SPATA13: variants seen among roughly 807,000 people sequenced by gnomAD.
SPATA13 encodes spermatogenesis-associated protein 13.
A neutral mutation model predicts 104.0 loss-of-function variants in SPATA13; 50 were observed. That is an observed-to-expected ratio of 0.48 (90% confidence interval 0.38 to 0.61). SPATA13 has a LOEUF of 0.61. SPATA13 is among the 20% of genes least tolerant of loss of function. The pLI is 0.00. For missense variants in SPATA13, 1,524 were observed against 1,690.6 expected, an observed-to-expected ratio of 0.90 and a Z score of 1.73; for synonymous variants, 606 against 667.5, an observed-to-expected ratio of 0.91 and a Z score of 1.42.
chr13:24,142,719 C>G (rs1881801588), intron 3 of SPATA13, among the ~76,000 whole-genome samples: 1 of 151,822 alleles, frequency 6.6e-6, no homozygotes, highest in Non-Finnish European at 1.5e-5. Flanking sequence ...CCTTCTTCTT[C>G]TCCTCCTTTT....
At chr13:24,080,005 G>T (rs1033717568) in intron 3 of SPATA13, among the ~76,000 whole-genome samples, 1 of 152,138 alleles carries the variant, frequency 6.6e-6, no homozygotes, top group Non-Finnish European at 1.5e-5. Context: ...AAACTCCAGT[G>T]CCTCAAAATG....
At chr13:24,003,574 A>G (rs887065186) in intron 2 of SPATA13, among the ~76,000 whole-genome samples, 2 of 152,230 alleles carry the variant, frequency 1.3e-5, no homozygotes, top group Admixed American at 6.5e-5. Flanking sequence ...AACAGAACTA[A>G]GATTAGAACC....
rs1875291104 is a variant in SPATA13 at position 24,279,151 on chromosome 13, G to A, written c.2165-4984G>A. Among the ~76,000 whole-genome samples the A allele has an allele frequency of 2.6e-5, 4 of 152,220 alleles. No individual in the cohort carries two copies. In the South Asian group the frequency reaches 8.3e-4, roughly 31 times the overall value. On this transcript the variant is annotated intron_variant, in intron 4 of 12. Coordinates refer to ENST00000382108, the MANE Select transcript of SPATA13 (RefSeq NM_001166271.3). The stretch of plus-strand genomic sequence containing the variant: ...AATGCTATGGAGAAAACTAAACCAG[G>A]GGAGACAGTGGAGTGAGAGTGAGGG...
chr13:23,983,144 A>C (rs1350750760), intron 1 of SPATA13, among the ~76,000 whole-genome samples: 2 of 152,208 alleles, frequency 1.3e-5, no homozygotes, highest in African/African-American at 2.4e-5. Flanking sequence ...CTGCCATCAC[A>C]AAACACCACA....
At chr13:24,282,789 A>G (rs753556662) in intron 4 of SPATA13, among the ~76,000 whole-genome samples, 2 of 152,236 alleles carry the variant, frequency 1.3e-5, no homozygotes, top group Non-Finnish European at 2.9e-5. Flanking sequence ...TTTCACCTGC[A>G]TTCTGTGGCC....
chr13:24,061,895 A>G (rs1336142320), intron 3 of SPATA13, among the ~76,000 whole-genome samples: 1 of 152,118 alleles, frequency 6.6e-6, no homozygotes, highest in African/African-American at 2.4e-5. Context: ...AATTAAAAAA[A>G]AAAAAGAAAA....
At chr13:24,111,943 A>G (rs990395854) in intron 3 of SPATA13, among the ~76,000 whole-genome samples, 1 of 152,202 alleles carries the variant, frequency 6.6e-6, no homozygotes, top group African/African-American at 2.4e-5. Context: ...CCTCTGTCCA[A>G]TCAGCGGAAG....
At chr13:24,009,101 A>G (rs953786689) in intron 2 of SPATA13, among the ~76,000 whole-genome samples, 1 of 152,142 alleles carries the variant, frequency 6.6e-6, no homozygotes, top group African/African-American at 2.4e-5. Flanking sequence ...GGCCCTGCTG[A>G]GGGTGCCCTG....
chr13:24,204,588 G>T (rs1010280281), intron 1 of SPATA13, among the ~76,000 whole-genome samples: 1 of 152,076 alleles, frequency 6.6e-6, no homozygotes, highest in African/African-American at 2.4e-5. Context: ...TACTCATTAA[G>T]CAACAGCTCC....
At chr13:24,175,758 C>T (rs1868400462) in intron 1 of SPATA13, among the ~76,000 whole-genome samples, 1 of 152,148 alleles carries the variant, frequency 6.6e-6, no homozygotes, top group Admixed American at 6.5e-5. Flanking sequence ...GTGCTAGTCC[C>T]TGAGGATATA....
At chr13:23,999,780 A>G (rs936557269) in intron 2 of SPATA13, among the ~76,000 whole-genome samples, 1 of 152,232 alleles carries the variant, frequency 6.6e-6, no homozygotes, top group African/African-American at 2.4e-5. Context: ...GAGAGGGTAA[A>G]TATGGTTCCT....
intron 2 of SPATA13, among the ~76,000 whole-genome samples, chr13:24,237,084 C>T (rs769442329): frequency 1.3e-5 from 2 of 151,954 alleles, no homozygotes; most frequent in African/African-American, 4.8e-5. Flanking sequence ...GCAGGCTGGG[C>T]GCAGGGCTCA....
intron 4 of SPATA13, among the ~76,000 whole-genome samples, chr13:24,267,495 CAG>C (rs1467070642): frequency 6.6e-6 from 1 of 152,154 alleles, no homozygotes; most frequent in African/African-American, 2.4e-5. Flanking sequence ...GCTTGGGAAA[CAG>C]AAACTATCCT....
chr13:24,270,255 A>G (rs937605930), intron 4 of SPATA13, among the ~76,000 whole-genome samples: 1 of 152,178 alleles, frequency 6.6e-6, no homozygotes, highest in Non-Finnish European at 1.5e-5. Context: ...ACCTGGAGAG[A>G]ACTTACATGT....
chr13:24,030,973 A>T (rs1014540292), intron 3 of SPATA13, among the ~76,000 whole-genome samples: 1 of 152,262 alleles, frequency 6.6e-6, no homozygotes, highest in African/African-American at 2.4e-5. Context: ...TCTTAGAATA[A>T]TAATTGAATA....
At chr13:24,242,162 C>T (rs1872874662) in intron 2 of SPATA13, among the ~76,000 whole-genome samples, 1 of 152,086 alleles carries the variant, frequency 6.6e-6, no homozygotes. Flanking sequence ...ACACTTGGTT[C>T]CATAGACGGC....
chr13:24,062,447 G>C (rs1312423565), intron 3 of SPATA13, among the ~76,000 whole-genome samples: 1 of 152,174 alleles, frequency 6.6e-6, no homozygotes, highest in African/African-American at 2.4e-5. Context: ...CAGGGTGCAC[G>C]GTGCTGGGAG....
At chr13:24,017,684 AGCTGGT>A (rs1368107376) in exon 3 of SPATA13, 1 of 985,386 alleles carries the variant, frequency 1.0e-6, no homozygotes, top group Non-Finnish European at 1.2e-6. Context: ...CTTCAAGAGT[AGCTGGT>A]GCAGAAACTC....
At chr13:24,068,485 T>G (rs1879046413) in intron 3 of SPATA13, among the ~76,000 whole-genome samples, 1 of 152,224 alleles carries the variant, frequency 6.6e-6, no homozygotes, top group Non-Finnish European at 1.5e-5. Flanking sequence ...TTCCTTTGGG[T>G]ATGTGCCCAG....
Sources: allele counts gnomAD v4.1 joint callset (sites outside exome capture counted in the v4.1 genomes callset), GRCh38; gene constraint gnomAD v4.1.1; transcripts MANE v1.5; gene names NCBI Gene and HGNC (gene_info 2026-07-23, HGNC 2026-07-21).